PKIA: variants seen among roughly 807,000 people sequenced by gnomAD.
PKIA encodes the protein cAMP-dependent protein kinase inhibitor alpha, also known as PKI-alpha.
In PKIA, 4 loss-of-function variants were observed where a neutral mutation model predicts 7.6. The observed-to-expected ratio is 0.52, with a 90% confidence interval of 0.26 to 1.20. The LOEUF is 1.20. Ranked by LOEUF, PKIA falls within the 50% of genes most tolerant of loss-of-function variation. PKIA has a pLI of 0.13. For missense variants in PKIA, 73 were observed against 86.2 expected, an observed-to-expected ratio of 0.85 and a Z score of 0.61; for synonymous variants, 21 against 30.7, an observed-to-expected ratio of 0.68 and a Z score of 1.04.
chr8:78,532,716 G>A (rs1055792544), intron 1 of PKIA, among the ~76,000 whole-genome samples: 2 of 151,938 alleles, frequency 1.3e-5, no homozygotes, highest in Non-Finnish European at 2.9e-5. Flanking sequence ...AGACCAGCCT[G>A]GCCAACGTGG....
chr8:78,536,618 G>T (rs1806529516), intron 1 of PKIA, among the ~76,000 whole-genome samples: 1 of 151,960 alleles, frequency 6.6e-6, no homozygotes, highest in Non-Finnish European at 1.5e-5. Context: ...GAAGGTAGAA[G>T]AAACAATTGC....
At chr8:78,572,306 TAA>T in intron 1 of PKIA, among the ~76,000 whole-genome samples, 1 of 149,988 alleles carries the variant, frequency 6.7e-6, no homozygotes, top group Non-Finnish European at 1.5e-5. Flanking sequence ...GAACAGACAT[TAA>T]AAGTCTCTGT....
At chr8:78,537,096 T>G (rs1806546725) in intron 1 of PKIA, among the ~76,000 whole-genome samples, 1 of 151,904 alleles carries the variant, frequency 6.6e-6, no homozygotes, top group South Asian at 2.1e-4. Flanking sequence ...GGCTGAGGGA[T>G]CTATAGGCCA....
chr8:78,555,406 G>T (rs918670732), intron 1 of PKIA, among the ~76,000 whole-genome samples: 1 of 151,952 alleles, frequency 6.6e-6, no homozygotes, highest in African/African-American at 2.4e-5. Flanking sequence ...GAAAAGAAAG[G>T]CTAAAGGATT....
chr8:78,583,235 T>G (rs975266470), intron 2 of PKIA, among the ~76,000 whole-genome samples: 1 of 152,160 alleles, frequency 6.6e-6, no homozygotes, highest in African/African-American at 2.4e-5. Flanking sequence ...TGAAAAGTTT[T>G]GAAATATGTC....
At chr8:78,549,573 T>C (rs1326535739) in intron 1 of PKIA, among the ~76,000 whole-genome samples, 1 of 151,914 alleles carries the variant, frequency 6.6e-6, no homozygotes, top group East Asian at 1.9e-4. Context: ...AAATCCTTTC[T>C]CAGTCAAGAC....
At chr8:78,559,244 A>T (rs2118507895) in intron 1 of PKIA, among the ~76,000 whole-genome samples, 1 of 152,274 alleles carries the variant, frequency 6.6e-6, no homozygotes, top group South Asian at 2.1e-4. Flanking sequence ...TTTTAAAGTT[A>T]AATCTCACAT....
chr8:78,549,637 C>A (rs1030195939), intron 1 of PKIA, among the ~76,000 whole-genome samples: 2 of 150,594 alleles, frequency 1.3e-5, no homozygotes, highest in Admixed American at 1.3e-4. Context: ...TGAAAATCAG[C>A]AGAGTCTTTA....
chr8:78,599,906 A>G (rs1450524283), intron 3 of PKIA, among the ~76,000 whole-genome samples: 5 of 151,076 alleles, frequency 3.3e-5, no homozygotes, highest in African/African-American at 1.2e-4. Flanking sequence ...TAGCCCTAAG[A>G]CTGTTTTATT....
At chr8:78,568,012 A>C (rs185247458) in intron 1 of PKIA, among the ~76,000 whole-genome samples, 132 of 152,218 alleles carry the variant, frequency 8.7e-4, no homozygotes, top group Non-Finnish European at 1.4e-3. Context: ...TTTCTCCAGG[A>C]AGCTCTAGTT....
intron 2 of PKIA, among the ~76,000 whole-genome samples, chr8:78,587,755 T>C (rs1207024112): frequency 6.6e-6 from 1 of 152,206 alleles, no homozygotes; most frequent in Non-Finnish European, 1.5e-5. Context: ...TAAAAAATCT[T>C]TTGTTATAAT....
At chr8:78,601,381 T>C (rs78961835) in intron 3 of PKIA, among the ~76,000 whole-genome samples, 1,557 of 152,224 alleles carry the variant, frequency 0.01, 16 homozygotes, top group Middle Eastern at 0.02. Flanking sequence ...CCACTTCTGA[T>C]TTCTACTTAA....
intron 1 of PKIA, among the ~76,000 whole-genome samples, chr8:78,547,190 C>T (rs1230425250): frequency 1.3e-5 from 2 of 152,056 alleles, no homozygotes; most frequent in Non-Finnish European, 2.9e-5. Flanking sequence ...CTCAATGCAA[C>T]CTCTGCCTCC....
At chr8:78,534,200 G>A (rs1355704607) in intron 1 of PKIA, 1 of 152,032 alleles carries the variant, frequency 6.6e-6, no homozygotes, top group Non-Finnish European at 1.5e-5. Context: ...TTTCCCATCA[G>A]TTTTATTTCA....
intron 1 of PKIA, among the ~76,000 whole-genome samples, chr8:78,530,659 TA>T (rs1354959615): frequency 6.6e-6 from 1 of 152,122 alleles, no homozygotes; most frequent in Admixed American, 6.6e-5. Flanking sequence ...TATGCCAGTC[TA>T]GTTTGCATTG....
intron 1 of PKIA, among the ~76,000 whole-genome samples, chr8:78,547,107 TTTTG>T (rs891708445): frequency 7.2e-5 from 11 of 151,962 alleles, no homozygotes; most frequent in East Asian, 5.8e-4. Flanking sequence ...TTTTGTTTTT[TTTTG>T]TTTGTTTGTT....
In PKIA at chr8:78,604,812, C is replaced by A. The variant is rs1177693754; in HGVS notation, c.*2991C>A. On this transcript the variant is annotated 3_prime_UTR_variant, in exon 4 of 4. Transcript: ENST00000396418. ...TTTTATCAATTGTAATCATCCTATG[C>A]CAACATATTATCATAAATTCATAGA... 1 of 151,734 alleles carries A rather than the reference C, an allele frequency of 6.6e-6. No homozygotes were observed. The highest frequency in any genetic ancestry group is 1.5e-5 in the Non-Finnish European group (1 of 67,886). The allele number at this position is 151,734 out of a possible 1,614,324, so 9.4% of individuals were successfully genotyped here. A position where few individuals can be genotyped will look rare whatever the true frequency, so the allele number is the denominator to read the frequency against.
intron 1 of PKIA, among the ~76,000 whole-genome samples, chr8:78,563,701 CTATTGAGTAAAT>C (rs1807337580): frequency 6.6e-6 from 1 of 151,906 alleles, no homozygotes; most frequent in African/African-American, 2.4e-5. Context: ...AGAAAGTAAA[CTATTGAGTAAAT>C]AGGACATGAG....
chr8:78,539,837 G>A (rs567798702), intron 1 of PKIA, among the ~76,000 whole-genome samples: 7 of 151,842 alleles, frequency 4.6e-5, no homozygotes, highest in East Asian at 3.9e-4. Context: ...GATCCTCTAC[G>A]AATTTAATTT....
Sources: gnomAD v4.1 joint callset for allele counts (sites outside exome capture counted in the v4.1 genomes callset) on GRCh38, gnomAD v4.1.1 for gene constraint, MANE v1.5 for transcripts, NCBI Gene and HGNC (gene_info 2026-07-23, HGNC 2026-07-21) for gene names.